The following CTIF variants were observed in gnomAD, a reference collection of about 807,000 sequenced individuals.
CTIF encodes CBP80/20-dependent translation initiation factor.
A neutral mutation model predicts 66.0 loss-of-function variants in CTIF; 21 were observed. The observed-to-expected ratio is 0.32, with a 90% confidence interval of 0.23 to 0.46. CTIF has a LOEUF of 0.46. Ranked by LOEUF, CTIF falls within the 20% of genes least tolerant of loss-of-function variation. The pLI, the probability that CTIF is intolerant of heterozygous loss-of-function variation, is 1.00. For missense variants in CTIF, 739 were observed against 812.7 expected, an observed-to-expected ratio of 0.91 and a Z score of 1.10; for synonymous variants, 345 against 326.4, an observed-to-expected ratio of 1.06 and a Z score of -0.62.
chr18:48,854,883 G>A (rs1415269637), intron 10 of CTIF, among the ~76,000 whole-genome samples: 2 of 152,228 alleles, frequency 1.3e-5, no homozygotes, highest in Non-Finnish European at 2.9e-5. Flanking sequence ...TGATCAAGAT[G>A]TATACAATGT....
intron 3 of CTIF, among the ~76,000 whole-genome samples, chr18:48,638,627 A>G (rs924122906): frequency 1.3e-5 from 2 of 152,174 alleles, no homozygotes; most frequent in Non-Finnish European, 2.9e-5. Flanking sequence ...GAGTGGGGTT[A>G]GGTATGGGCT....
At chr18:48,851,902 C>T (rs1420791905) in intron 10 of CTIF, among the ~76,000 whole-genome samples, 1 of 151,934 alleles carries the variant, frequency 6.6e-6, no homozygotes, top group Non-Finnish European at 1.5e-5. Context: ...GCTAAGCACC[C>T]TAGGGAAGCA....
At chr18:48,839,386 C>A (rs890926935) in intron 10 of CTIF, among the ~76,000 whole-genome samples, 1 of 152,146 alleles carries the variant, frequency 6.6e-6, no homozygotes, top group Non-Finnish European at 1.5e-5. Context: ...CAGTTCTTCC[C>A]GTCACTGACC....
intron 9 of CTIF, among the ~76,000 whole-genome samples, chr18:48,808,219 T>C (rs2068190076): frequency 6.6e-6 from 1 of 152,226 alleles, no homozygotes; most frequent in Non-Finnish European, 1.5e-5. Context: ...TTACTACTGA[T>C]ATTGAATTAA....
intron 9 of CTIF, among the ~76,000 whole-genome samples, chr18:48,770,811 T>C (rs1910033261): frequency 6.6e-6 from 1 of 152,144 alleles, no homozygotes; most frequent in South Asian, 2.1e-4. Context: ...GATGATTGGG[T>C]TGTGGTAGAG....
intron 9 of CTIF, among the ~76,000 whole-genome samples, chr18:48,815,169 T>A (rs1236290317): frequency 6.6e-6 from 1 of 152,232 alleles, no homozygotes; most frequent in African/African-American, 2.4e-5. Context: ...TTCACTATAG[T>A]AACCTTTTTA....
chr18:48,633,786 A>G lies in CTIF; in HGVS notation c.181-2828A>G, dbSNP rs567286241. On this transcript the variant is annotated intron_variant, in intron 2 of 11. Coordinates refer to ENST00000256413, the MANE Select transcript of CTIF (RefSeq NM_014772.3). ...ATGTATGCATGTATTTTACGTATGT[A>G]TGAATACATACATATTAGTTTTTGT... 9.8e-5 allele frequency among the ~76,000 whole-genome samples: 15 copies of G among 152,330 alleles called. 1 individual carries two copies. In the South Asian group the frequency reaches 3.1e-3, roughly 32 times the overall value.
At chr18:48,624,940 G>T (rs2144493536) in intron 2 of CTIF, among the ~76,000 whole-genome samples, 1 of 152,326 alleles carries the variant, frequency 6.6e-6, no homozygotes, top group South Asian at 2.1e-4. Context: ...CCGGCACTTG[G>T]AAACCCTGGG....
At chr18:48,781,072 C>T (rs930998465) in intron 9 of CTIF, among the ~76,000 whole-genome samples, 1 of 152,182 alleles carries the variant, frequency 6.6e-6, no homozygotes, top group African/African-American at 2.4e-5. Flanking sequence ...TTGTGAGCCC[C>T]CCTCTTCTTG....
intron 1 of CTIF, among the ~76,000 whole-genome samples, chr18:48,546,261 C>A (rs2088747611): frequency 6.6e-6 from 1 of 152,172 alleles, no homozygotes; most frequent in African/African-American, 2.4e-5. Flanking sequence ...AACGTCCAGT[C>A]TTTGCATGTT....
In CTIF at chr18:48,711,607, C is replaced by A. The variant is rs1320281738; in HGVS notation, c.508-12C>A. Reference sequence around the variant, plus strand: ...GTTACTAATGATCCCCCTTCCTCCCCCCATGACACAGGGCTACCACCCGAT... The same window carrying A: ...GTTACTAATGATCCCCCTTCCTCCCACCATGACACAGGGCTACCACCCGAT... On this transcript the variant is annotated splice_polypyrimidine_tract_variant and intron_variant, in intron 6 of 11. Coordinates refer to ENST00000256413, the MANE Select transcript of CTIF (RefSeq NM_014772.3). The A allele has an allele frequency of 3.1e-6, 5 of 1,612,656 alleles. No individual in the cohort carries two copies. The highest frequency in any genetic ancestry group is 1.7e-5 in the Admixed American group (1 of 59,980).
At chr18:48,658,531 T>TGTGTAC (rs1292233906) in intron 3 of CTIF, among the ~76,000 whole-genome samples, 1 of 152,076 alleles carries the variant, frequency 6.6e-6, no homozygotes, top group East Asian at 1.9e-4. Flanking sequence ...ATGTGTGTGG[T>TGTGTAC]GTGTACGTGT....
At chr18:48,835,341 T>C (rs926043646) in intron 10 of CTIF, among the ~76,000 whole-genome samples, 2 of 152,202 alleles carry the variant, frequency 1.3e-5, no homozygotes, top group African/African-American at 4.8e-5. Context: ...TGGCCATGGC[T>C]GTGCTGATGG....
intron 10 of CTIF, among the ~76,000 whole-genome samples, chr18:48,851,753 A>G (rs2069206430): frequency 6.6e-6 from 1 of 152,042 alleles, no homozygotes; most frequent in South Asian, 2.1e-4. Flanking sequence ...CTTCCTTCGC[A>G]TCAGCTCCCG....
chr18:48,768,233 G>A (rs150470729), intron 9 of CTIF, among the ~76,000 whole-genome samples: 195 of 152,268 alleles, frequency 1.3e-3, no homozygotes, highest in African/African-American at 4.5e-3. Context: ...GGAGGAGGGA[G>A]ACTGATATCG....
In CTIF at chr18:48,719,995, G is replaced by A. The variant is rs770242668; in HGVS notation, c.584+8300G>A. On this transcript the variant is annotated intron_variant, in intron 7 of 11. Coordinates refer to ENST00000256413, the MANE Select transcript of CTIF (RefSeq NM_014772.3). Reference sequence around the variant, plus strand: ...AGAAACACATACAAAACGAGGTTATGTATTGATCCAGTGGTGAAAATGTTG... The same window carrying A: ...AGAAACACATACAAAACGAGGTTATATATTGATCCAGTGGTGAAAATGTTG... Among the ~76,000 whole-genome samples the A allele has an allele frequency of 7.2e-5, 11 of 152,214 alleles. No homozygotes were observed. The South Asian group carries it at 1.7e-3, about 23-fold the overall frequency.
chr18:48,681,239 T>TG (rs1314322268), intron 6 of CTIF, among the ~76,000 whole-genome samples: 2 of 152,184 alleles, frequency 1.3e-5, no homozygotes, highest in Admixed American at 6.5e-5. Context: ...CCAGGGGGGC[T>TG]GGGGGGTCAG....
intron 6 of CTIF, among the ~76,000 whole-genome samples, chr18:48,672,994 C>T (rs2091560734): frequency 6.6e-6 from 1 of 152,196 alleles, no homozygotes; most frequent in African/African-American, 2.4e-5. Context: ...TAAAATCTCA[C>T]TCAGCCCTTC....
In CTIF at chr18:48,859,742, C is replaced by G; in HGVS notation, c.*183C>G. On this transcript the variant is annotated 3_prime_UTR_variant, in exon 12 of 12. Transcript: ENST00000256413. Reference sequence around the variant, plus strand: ...GAGCAAATCCCTGAGAGGAGTGCCCCCGCACAAGCCCCCCAGCCCGAGCAT... The same window carrying G: ...GAGCAAATCCCTGAGAGGAGTGCCCGCGCACAAGCCCCCCAGCCCGAGCAT... The G allele has an allele frequency of 1.4e-6, 1 of 699,336 alleles. No individual in the cohort carries two copies. Among genetic ancestry groups the G allele is most frequent in the Non-Finnish European group, 2.6e-6 (1 of 384,118 alleles). The allele number at this position is 699,336 out of a possible 1,614,324, so 43.3% of individuals were successfully genotyped here.
Sources: allele counts gnomAD v4.1 joint callset (sites outside exome capture counted in the v4.1 genomes callset), GRCh38; gene constraint gnomAD v4.1.1; transcripts MANE v1.5; gene names NCBI Gene and HGNC (gene_info 2026-07-23, HGNC 2026-07-21).